STRN3: variants seen among roughly 807,000 people sequenced by gnomAD.
The protein encoded by STRN3 is striatin-3.
STRN3 carries 29 observed loss-of-function variants against 95.6 expected under a neutral mutation model. The observed-to-expected ratio is 0.30, with a 90% confidence interval of 0.23 to 0.41. The LOEUF is 0.41. Among genes scored for constraint, STRN3 ranks in the 10% least tolerant of loss-of-function variants. STRN3 has a pLI of 1.00. For missense variants in STRN3, 890 were observed against 972.1 expected (o/e 0.92, Z 1.12); for synonymous variants, 331 against 357.6 (o/e 0.93, Z 0.84).
rs1566441319 is a variant in STRN3 at position 30,929,957 on chromosome 14, A to AAAAAAAAAAC, written c.989-647_989-646insGTTTTTTTTT. On this transcript the variant is annotated intron_variant, in intron 7 of 17. Coordinates refer to ENST00000357479, the MANE Select transcript of STRN3 (RefSeq NM_001083893.2). ...ATTGGTCTACAACTAAGATTAGCAA[A>AAAAAAAAAAC]AAAAAAAAAAAAAAAAAAAAAACTC... Among the ~76,000 whole-genome samples the AAAAAAAAAAC allele has an allele frequency of 7.2e-5, 10 of 138,314 alleles. 1 individual carries two copies. The highest frequency in any genetic ancestry group is 2.5e-4 in the African/African-American group (9 of 36,342). The allele number at this position is 138,314 out of a possible 152,430, so 90.7% of individuals were successfully genotyped here.
At chr14:31,018,552 G>C (rs1229542330) in intron 1 of STRN3, 2 of 455,902 alleles carry the variant, frequency 4.4e-6, no homozygotes, top group Admixed American at 4.9e-5. Context: ...GCTGAAGAGG[G>C]ACTGCACTTT....
At chr14:31,024,656 G>A (rs1305783230) in intron 1 of STRN3, among the ~76,000 whole-genome samples, 1 of 152,098 alleles carries the variant, frequency 6.6e-6, no homozygotes, top group Admixed American at 6.5e-5. Context: ...CCAAACTAAA[G>A]AGATGCATAT....
At chr14:30,897,499 C>T (rs1460629343) in intron 16 of STRN3, among the ~76,000 whole-genome samples, 2 of 152,100 alleles carry the variant, frequency 1.3e-5, no homozygotes, top group Non-Finnish European at 2.9e-5. Flanking sequence ...ACAGGAGAAT[C>T]GCTTGAACCC....
At chr14:31,009,941 A>G (rs1041031259) in intron 1 of STRN3, among the ~76,000 whole-genome samples, 2 of 152,004 alleles carry the variant, frequency 1.3e-5, no homozygotes, top group East Asian at 1.9e-4. Flanking sequence ...TCCATGAAAA[A>G]AAAATTTTTT....
At chr14:30,936,406 C>CA (rs1331712246) in intron 6 of STRN3, 89 bp downstream of exon 6, 3 of 1,398,332 alleles carry the variant, frequency 2.1e-6, no homozygotes, top group Non-Finnish European at 2.9e-6. Context: ...GATGATCAAT[C>CA]ACTCCCAATG....
At chr14:30,950,824 T>C in intron 4 of STRN3, 39 bp downstream of exon 4, 4 of 1,581,692 alleles carry the variant, frequency 2.5e-6, no homozygotes, top group Non-Finnish European at 3.5e-6. Context: ...CTTTCATACC[T>C]AGATCCTTAA....
intron 1 of STRN3, among the ~76,000 whole-genome samples, chr14:30,957,593 T>C (rs1269311683): frequency 6.6e-6 from 1 of 152,178 alleles, no homozygotes; most frequent in Non-Finnish European, 1.5e-5. Context: ...CACCATATAT[T>C]CCATTACCTC....
At chr14:31,020,667 G>C (rs754210151) in intron 1 of STRN3, among the ~76,000 whole-genome samples, 2 of 152,094 alleles carry the variant, frequency 1.3e-5, no homozygotes, top group Non-Finnish European at 2.9e-5. Context: ...CTTGGACTTT[G>C]GGAGGATGAG....
At chr14:30,980,686 C>G (rs931411152) in intron 1 of STRN3, among the ~76,000 whole-genome samples, 1 of 152,068 alleles carries the variant, frequency 6.6e-6, no homozygotes, top group African/African-American at 2.4e-5. Context: ...CAGGCGTGAC[C>G]CACCGCACCC....
Position 30,936,594 on chromosome 14 carries a change from A to G in STRN3, c.747T>C (p.Asn249=). The G allele has an allele frequency of 1.9e-6, 3 of 1,613,820 alleles. No homozygotes were observed. In the South Asian group the frequency reaches 3.3e-5, roughly 18 times the overall value. Residue 249 remains asparagine (N), a synonymous_variant, in exon 6 of 18, where the codon AAT becomes AAC. Coordinates refer to ENST00000357479, the MANE Select transcript of STRN3 (RefSeq NM_001083893.2). The part of the protein sequence containing the change: ...RSSGDVLETF[N]FLENADDSDE... ...CACTGTCATCGGCATTTTCTAAGAAATTGAACGTCTCAAGAACATCACCAG... is the reference window on the plus strand; with the variant it reads ...CACTGTCATCGGCATTTTCTAAGAAGTTGAACGTCTCAAGAACATCACCAG...
chr14:30,900,072 T>C (rs1314727907), intron 16 of STRN3, among the ~76,000 whole-genome samples: 1 of 152,048 alleles, frequency 6.6e-6, no homozygotes, highest in African/African-American at 2.4e-5. Context: ...AAACACCATA[T>C]CCAGGCCGGG....
At chr14:30,924,244 CAA>C (rs71112353) in intron 8 of STRN3, among the ~76,000 whole-genome samples, 2 of 116,100 alleles carry the variant, frequency 1.7e-5, no homozygotes, top group Admixed American at 2.2e-4. Context: ...CAAAAAACAA[CAA>C]AAAAAAAACA....
rs140952320 is a variant in STRN3, at chr14:30,941,568, G to C, written c.717-4944C>G. 1.5e-3 allele frequency among the ~76,000 whole-genome samples: 229 copies of C among 152,168 alleles called. 3 individuals carry two copies. In the East Asian group the frequency reaches 0.034, roughly 23 times the overall value. On this transcript the variant is annotated intron_variant, in intron 5 of 17. Transcript: ENST00000357479. The stretch of plus-strand genomic sequence containing the variant: ...ACTACCATTCTTTGGAGTAGGGGAG[G>C]GGTGGTGTTAAACCAGCTTCACAAG...
intron 1 of STRN3, among the ~76,000 whole-genome samples, chr14:30,987,432 A>T (rs1017444333): frequency 1.3e-5 from 2 of 152,042 alleles, no homozygotes; most frequent in Non-Finnish European, 2.9e-5. Context: ...GCGTGAACCC[A>T]GGAGGCAGAG....
chr14:30,941,486 C>G (rs537231149), intron 5 of STRN3, among the ~76,000 whole-genome samples: 2 of 152,186 alleles, frequency 1.3e-5, no homozygotes, highest in African/African-American at 4.8e-5. Flanking sequence ...TATACAATAA[C>G]CCCATCTTTC....
chr14:30,943,099 A>C (rs978657474), intron 5 of STRN3, among the ~76,000 whole-genome samples: 1 of 152,186 alleles, frequency 6.6e-6, no homozygotes, highest in African/African-American at 2.4e-5. Flanking sequence ...GACTGCTTCT[A>C]ATTTTTTCCT....
chr14:31,007,968 G>A (rs573948141), intron 1 of STRN3, among the ~76,000 whole-genome samples: 8 of 152,172 alleles, frequency 5.3e-5, no homozygotes, highest in Admixed American at 2.0e-4. Context: ...TGAGGCAGGC[G>A]GATCACCTGA....
At position 30,948,942 on chromosome 14, in the gene STRN3, C is replaced by T. The variant is rs527755890; in HGVS notation, c.543-1679G>A. Among the ~76,000 whole-genome samples, 7 of 152,338 alleles carry T rather than the reference C, an allele frequency of 4.6e-5. No individual in the cohort carries two copies. In the South Asian group the frequency reaches 1.4e-3, roughly 32 times the overall value. On this transcript the variant is annotated intron_variant, in intron 4 of 17. Coordinates refer to ENST00000357479, the MANE Select transcript of STRN3 (RefSeq NM_001083893.2). ...TGGTCTGAATGAACTGCCAAGATCT[C>T]ATACAACCCAGGTAAAAATGACTGA...
At chr14:31,021,028 T>A (rs28578405) in intron 1 of STRN3, among the ~76,000 whole-genome samples, 1 of 152,150 alleles carries the variant, frequency 6.6e-6, no homozygotes. Context: ...ATAATCATGC[T>A]GGAATCAATA....
Sources: allele counts gnomAD v4.1 joint callset (sites outside exome capture counted in the v4.1 genomes callset), GRCh38; gene constraint gnomAD v4.1.1; transcripts MANE v1.5; gene names NCBI Gene and HGNC (gene_info 2026-07-23, HGNC 2026-07-21).